Variants in AACS observed in about 807,000 individuals in gnomAD.
AACS encodes acetoacetyl-CoA synthetase, also known as acetoacetate-CoA ligase.
Under a neutral mutation model 83.1 loss-of-function variants are expected in AACS, and 69 were observed. The observed-to-expected ratio is 0.83, with a 90% CI of 0.68 to 1.01. The LOEUF is 1.01. AACS is among the 50% of genes least tolerant of loss of function. The pLI, the probability that AACS is intolerant of heterozygous loss-of-function variation, is 0.00. For missense variants in AACS, 866 were observed against 882.2 expected, an observed-to-expected ratio of 0.98 and a Z score of 0.23; for synonymous variants, 333 against 343.4, an observed-to-expected ratio of 0.97 and a Z score of 0.33.
chr12:125,141,521 C>T (rs1957490399), intron 17 of AACS: 3 of 152,588 alleles, frequency 2.0e-5, no homozygotes, highest in Non-Finnish European at 4.4e-5. Flanking sequence ...CCTGGTGAAA[C>T]CCCATCTCTA....
chr12:125,103,256 C>T (rs941518906), intron 7 of AACS, among the ~76,000 whole-genome samples, 175 bp downstream of exon 7: 5 of 152,182 alleles, frequency 3.3e-5, no homozygotes, highest in African/African-American at 1.2e-4. Context: ...AGTGAATCCC[C>T]CAAGGCCACA....
chr12:125,118,164 G>A, intron 9 of AACS: 1 of 162,154 alleles, frequency 6.2e-6, no homozygotes, highest in Non-Finnish European at 1.3e-5. Flanking sequence ...CGGGCGGGAG[G>A]CAGGTTCCCG....
chr12:125,088,483 G>A (rs538110688), intron 4 of AACS, among the ~76,000 whole-genome samples: 3 of 152,190 alleles, frequency 2.0e-5, no homozygotes, highest in Non-Finnish European at 2.9e-5. Flanking sequence ...TCCTCCTGCC[G>A]TGGCCTCCTA....
intron 12 of AACS, 67 bp from the exon 13 acceptor site, chr12:125,128,094 C>T (rs1593003496): frequency 1.6e-6 from 2 of 1,212,224 alleles, no homozygotes; most frequent in African/African-American, 3.0e-5. Context: ...TCCTTTGTTG[C>T]TCACTAATTT....
Position 125,134,069 on chromosome 12 carries a change from G to A in AACS, c.1616G>A (p.Arg539Gln), listed in dbSNP as rs754506522. 7.4e-6 allele frequency: 12 copies of A among 1,613,774 alleles called. No individual in the cohort carries two copies. In the Admixed American group the frequency reaches 8.3e-5, roughly 11 times the overall value. ...ACCGGGGGCATCGTCATGCTTGGCC[G>A]GAGGTAAGGGCTGCAGAGTCGGCTT... is the stretch of plus-strand genomic sequence containing the variant. ...PKTGGIVMLG[R>Q]SDGTLNPNGV... Residue 539 changes from arginine (R) to glutamine (Q), a missense_variant, in exon 15 of 18, where the codon CGG (arginine) becomes CAG (glutamine). Arg to Gln is a conservative substitution (Grantham distance 43). Transcript: ENST00000316519.
chr12:125,110,373 A>T (rs778221923), intron 8 of AACS, among the ~76,000 whole-genome samples: 9 of 152,056 alleles, frequency 5.9e-5, no homozygotes, highest in Non-Finnish European at 8.8e-5. Flanking sequence ...GCCCAGCTGA[A>T]TGTAGTGCTT....
intron 8 of AACS, among the ~76,000 whole-genome samples, chr12:125,108,152 C>T (rs1398923275): frequency 6.6e-6 from 1 of 152,138 alleles, no homozygotes; most frequent in East Asian, 1.9e-4. Flanking sequence ...GGCTAGGTTA[C>T]TAGGTTATTA....
intron 1 of AACS, among the ~76,000 whole-genome samples, chr12:125,073,296 G>A (rs1022860996): frequency 6.6e-6 from 1 of 152,188 alleles, no homozygotes; most frequent in African/African-American, 2.4e-5. Flanking sequence ...ATCGAAATAA[G>A]TAGTAACACC....
In AACS at chr12:125,073,975, A is replaced by G. The variant is rs1172600615; in HGVS notation, c.233A>G (p.Asp78Gly). 5.0e-6 allele frequency: 8 copies of G among 1,611,874 alleles called. No individual in the cohort carries two copies. Among genetic ancestry groups the G allele is most frequent in the Non-Finnish European group, 6.8e-6 (8 of 1,178,398 alleles). Residue 78 changes from aspartate to glycine, a missense_variant, in exon 2 of 18, where the codon GAT becomes GGT. Coordinates refer to ENST00000316519, the MANE Select transcript of AACS (RefSeq NM_023928.5). ...GGAATTGTCTTCTCACGTGTGTATG[A>G]TGAGGTAAGTAGAGATTTTCCGTGG... is the stretch of plus-strand genomic sequence containing the variant. The part of the protein sequence containing the change: ...FSGIVFSRVY[D>G]EVVDTSKGIA...
rs143803831 is a variant in AACS at position 125,085,127 on chromosome 12, G to C, written c.359-1203G>C. Among the ~76,000 whole-genome samples, 52 of 152,376 alleles carry C rather than the reference G, an allele frequency of 3.4e-4. 1 individual carries two copies. The highest frequency in any genetic ancestry group is 1.2e-3 in the African/African-American group (51 of 41,594). On this transcript the variant is annotated intron_variant, in intron 3 of 17. Transcript: ENST00000316519. ...ACTATAAAGGGGCAACAGGAGGGAA[G>C]GGTTTGGGGTGGTGGAAATGTCCTA...
chr12:125,076,369 G>A (rs1464117954), intron 2 of AACS, 122 bp from the exon 3 acceptor site: 1 of 1,362,530 alleles, frequency 7.3e-7, no homozygotes, highest in African/African-American at 1.4e-5. Context: ...CTGGGCCAAT[G>A]AGTGAGCTGG....
chr12:125,107,222 C>T lies in AACS; in HGVS notation c.869C>T (p.Ser290Leu), dbSNP rs767563851. 1 of 1,613,992 alleles carries T rather than the reference C, an allele frequency of 6.2e-7. No homozygotes were observed. Among genetic ancestry groups the T allele is most frequent in the Non-Finnish European group, 8.5e-7 (1 of 1,180,052 alleles). ...AGCCACCCACTGTTCATCATGTTCT[C>T]ATCGGGCACCACGGGCGCACCCAAG... ...PFSHPLFIMF[S>L]SGTTGAPKCM... Residue 290 changes from serine to leucine, a missense_variant, in exon 8 of 18, where the codon TCA (serine) becomes TTA (leucine). Physicochemically the swap from Ser to Leu is moderately radical, Grantham distance 145 (BLOSUM62 -2). Coordinates refer to ENST00000316519, the MANE Select transcript of AACS (RefSeq NM_023928.5).
In AACS at chr12:125,140,547, C is replaced by T. The variant is rs1253138749; in HGVS notation, c.1882-1545C>T. 6.6e-6 allele frequency: 1 copy of T among 151,938 alleles called. No individual in the cohort carries two copies. Among genetic ancestry groups the T allele is most frequent in the African/African-American group, 2.4e-5 (1 of 41,342 alleles). 9.4% of individuals were successfully genotyped at this position (151,938 alleles called of 1,614,324 possible). ...GGCCCTTGGAAGCCGGTGCTTAGAT[C>T]CTTAATTAGTTCACACGTCGACTGA... On this transcript the variant is annotated intron_variant, in intron 17 of 17. Coordinates refer to ENST00000316519, the MANE Select transcript of AACS (RefSeq NM_023928.5). This position sits in a 1 kb window ranked among gnomAD's most constrained non-coding sequence, Gnocchi z 5.1.
chr12:125,130,104 G>A lies in AACS; in HGVS notation c.1549+644G>A, dbSNP rs909712859. 1.3e-5 allele frequency among the ~76,000 whole-genome samples: 2 copies of A among 152,224 alleles called. No individual in the cohort carries two copies. Among genetic ancestry groups the A allele is most frequent in the Non-Finnish European group, 2.9e-5 (2 of 68,044 alleles). ...TGCTATATAATTCATCGTTTAGCAAGCCTTCTGTTCCAGAGTTATTTATAC... is the reference window on the plus strand; with the variant it reads ...TGCTATATAATTCATCGTTTAGCAAACCTTCTGTTCCAGAGTTATTTATAC... On this transcript the variant is annotated intron_variant, in intron 14 of 17. Coordinates refer to ENST00000316519, the MANE Select transcript of AACS (RefSeq NM_023928.5). The surrounding 1 kb of genome is among the most constrained non-coding windows in gnomAD (Gnocchi z 4.9).
chr12:125,129,548 C>CG lies in AACS; in HGVS notation c.1549+88_1549+89insG. Reference sequence around the variant, plus strand: ...AATTCTGTACCATCGTGCCCCTCCCCTCTTCCTTCCCCCACCAGGGCTTGG... The same window carrying CG: ...AATTCTGTACCATCGTGCCCCTCCCCGTCTTCCTTCCCCCACCAGGGCTTGG... On this transcript the variant is annotated intron_variant, in intron 14 of 17. Transcript: ENST00000316519. This position sits in a 1 kb window ranked among gnomAD's most constrained non-coding sequence, Gnocchi z 4.3. 2.0e-6 allele frequency: 3 copies of CG among 1,484,650 alleles called. No individual in the cohort carries two copies. Among genetic ancestry groups the CG allele is most frequent in the Non-Finnish European group, 2.7e-6 (3 of 1,105,344 alleles). The allele number at this position is 1,484,650 out of a possible 1,614,324, so 92.0% of individuals were successfully genotyped here. A position where few individuals can be genotyped will look rare whatever the true frequency, so the allele number is the denominator to read the frequency against.
intron 1 of AACS, among the ~76,000 whole-genome samples, chr12:125,072,803 G>A (rs1362224656): frequency 1.3e-5 from 2 of 152,160 alleles, no homozygotes; most frequent in Non-Finnish European, 2.9e-5. Flanking sequence ...TCTTGATGGT[G>A]GGGAAAAGTT....
At chr12:125,073,455 C>T (rs1955931405) in intron 1 of AACS, among the ~76,000 whole-genome samples, 1 of 152,178 alleles carries the variant, frequency 6.6e-6, no homozygotes, top group Non-Finnish European at 1.5e-5. Flanking sequence ...TTCCAAGGCC[C>T]TGTTCTAAGC....
chr12:125,073,738 C>T (rs1955940913), intron 1 of AACS, 138 bp from the exon 2 acceptor site: 3 of 642,926 alleles, frequency 4.7e-6, no homozygotes, highest in African/African-American at 3.7e-5. Context: ...AAATTAAGCT[C>T]CTTCCTCCCC....
At chr12:125,076,730 TGTA>T in intron 3 of AACS, 119 bp downstream of exon 3, 2 of 1,462,106 alleles carry the variant, frequency 1.4e-6, no homozygotes, top group South Asian at 2.7e-5. Flanking sequence ...ACCTTTCTGA[TGTA>T]ATTAAGATTT....
Sources: allele counts gnomAD v4.1 joint callset (sites outside exome capture counted in the v4.1 genomes callset), GRCh38; gene constraint gnomAD v4.1.1; non-coding constraint Gnocchi (gnomAD v3.1); transcripts MANE v1.5; gene names NCBI Gene and HGNC (gene_info 2026-07-23, HGNC 2026-07-21).